The following AGBL1 variants were observed in gnomAD, a reference collection of about 807,000 sequenced individuals.
AGBL1 encodes the protein AGBL carboxypeptidase 1.
AGBL1 carries 130 observed loss-of-function variants against 118.9 expected under a neutral mutation model. The ratio of observed to expected loss-of-function variants is 1.09; its 90% CI spans 0.95 to 1.26. The LOEUF is 1.26. AGBL1 is among the 50% of genes most tolerant of loss of function. AGBL1 has a pLI of 0.00. For synonymous variants in AGBL1, 555 were observed against 478.9 expected (o/e 1.16, Z -2.08); for missense variants, 1,584 against 1,298.1 (o/e 1.22, Z -3.38).
intron 24 of AGBL1, among the ~76,000 whole-genome samples, chr15:87,024,632 C>G (rs1280957590): frequency 6.6e-6 from 1 of 152,024 alleles, no homozygotes; most frequent in African/African-American, 2.4e-5. Context: ...TTCCCTAAAT[C>G]ATTCTATGAA....
In AGBL1 at chr15:86,616,533, G is replaced by A. The variant is rs144825060; in HGVS notation, c.2995-57740G>A. On this transcript the variant is annotated intron_variant, in intron 21 of 22. Transcript: ENST00000614907. The stretch of plus-strand genomic sequence containing the variant: ...TGTCTTCAAAATGCCTGATCAATGG[G>A]TAAATATAGAACTAGACACCTCTTG... Among the ~76,000 whole-genome samples the A allele has an allele frequency of 9.9e-3, 1,505 of 152,118 alleles. 12 individuals are homozygous for A. Among genetic ancestry groups the A allele is most frequent in the Middle Eastern group, 0.017 (5 of 294 alleles).
intron 19 of AGBL1, among the ~76,000 whole-genome samples, chr15:86,542,505 T>C (rs2083517423): frequency 6.6e-6 from 1 of 151,932 alleles, no homozygotes; most frequent in Non-Finnish European, 1.5e-5. Context: ...TAGCTGGGAT[T>C]ACAGGCGCAT....
chr15:86,721,942 C>T (rs2086728443), intron 22 of AGBL1, among the ~76,000 whole-genome samples: 1 of 152,142 alleles, frequency 6.6e-6, no homozygotes, highest in Admixed American at 6.5e-5. Context: ...AGGAATCCAA[C>T]TTACAAGGGA....
rs543289466 is a variant in AGBL1 at position 86,927,706 on chromosome 15, A to C, written c.3222-60281A>C. Among the ~76,000 whole-genome samples the C allele has an allele frequency of 2.6e-5, 4 of 152,336 alleles. No individual in the cohort carries two copies. The East Asian group carries it at 7.7e-4, about 29-fold the overall frequency. On this transcript the variant is annotated intron_variant, in intron 23 of 24. Transcript: ENST00000441037. ...TCCAATATTGATAATCATGACCAGT[A>C]GTAGTTATTGAAAAAAAATTACCAT...
At chr15:86,868,673 C>T (rs7180826) in intron 22 of AGBL1, among the ~76,000 whole-genome samples, 108,588 of 152,132 alleles carry the variant, frequency 0.71, 38,863 homozygotes, top group South Asian at 0.76. Flanking sequence ...TCCACTCACC[C>T]TGGGAATTCA....
At chr15:86,697,911 G>A (rs2086289774) in intron 22 of AGBL1, among the ~76,000 whole-genome samples, 1 of 151,844 alleles carries the variant, frequency 6.6e-6, no homozygotes, top group Non-Finnish European at 1.5e-5. Flanking sequence ...TCTCAGCCAT[G>A]GATACCAGCA....
chr15:87,005,506 T>C (rs1053969074), intron 24 of AGBL1, among the ~76,000 whole-genome samples: 1 of 152,228 alleles, frequency 6.6e-6, no homozygotes, highest in African/African-American at 2.4e-5. Context: ...TGTGCATTCG[T>C]CACATAGTTC....
chr15:86,838,864 G>A (rs1031746453), intron 22 of AGBL1, among the ~76,000 whole-genome samples: 2 of 137,726 alleles, frequency 1.5e-5, no homozygotes, highest in Non-Finnish European at 1.5e-5. Context: ...GCATTGCTTG[G>A]ACCCTGGAGT....
At chr15:86,144,215 G>A (rs1464122348) in intron 3 of AGBL1, among the ~76,000 whole-genome samples, 1 of 152,202 alleles carries the variant, frequency 6.6e-6, no homozygotes, top group Non-Finnish European at 1.5e-5. Context: ...ATACACTGTT[G>A]GTGGGAGTAT....
chr15:86,660,790 C>T (rs1343230143), intron 21 of AGBL1, among the ~76,000 whole-genome samples: 1 of 152,052 alleles, frequency 6.6e-6, no homozygotes, highest in East Asian at 1.9e-4. Context: ...CAAATTCTAG[C>T]CATGCGTAAA....
chr15:86,656,787 A>T (rs2085467507), intron 21 of AGBL1, among the ~76,000 whole-genome samples: 1 of 151,892 alleles, frequency 6.6e-6, no homozygotes, highest in African/African-American at 2.4e-5. Flanking sequence ...GGTTAAATGT[A>T]CTCAGTGGCT....
intron 1 of AGBL1, among the ~76,000 whole-genome samples, chr15:86,105,979 C>G (rs544710210): frequency 1.4e-4 from 22 of 152,214 alleles, no homozygotes; most frequent in Non-Finnish European, 2.6e-4. Context: ...TTCTTCCAAT[C>G]ACATCTGAAA....
At chr15:86,192,937 C>T (rs1421384284) in intron 5 of AGBL1, among the ~76,000 whole-genome samples, 2 of 152,022 alleles carry the variant, frequency 1.3e-5, no homozygotes, top group Non-Finnish European at 2.9e-5. Flanking sequence ...CCATTTATTT[C>T]TATTGAAAGC....
At chr15:86,094,889 G>T (rs1896255838) in intron 1 of AGBL1, among the ~76,000 whole-genome samples, 1 of 152,106 alleles carries the variant, frequency 6.6e-6, no homozygotes, top group Admixed American at 6.5e-5. Context: ...GTTAGCATCA[G>T]ATCTCACAAG....
intron 22 of AGBL1, among the ~76,000 whole-genome samples, chr15:86,678,467 C>T (rs2085889596): frequency 6.6e-6 from 1 of 151,996 alleles, no homozygotes; most frequent in Non-Finnish European, 1.5e-5. Flanking sequence ...CGTCTTTGTG[C>T]ATTATTCTGT....
At chr15:86,929,957 C>T (rs375831920) in intron 23 of AGBL1, among the ~76,000 whole-genome samples, 135 of 152,242 alleles carry the variant, frequency 8.9e-4, no homozygotes, top group Middle Eastern at 3.4e-3. Context: ...TATAAATGCC[C>T]TTTGGCTGGC....
intron 23 of AGBL1, among the ~76,000 whole-genome samples, chr15:86,923,968 A>G (rs777543516): frequency 1.3e-5 from 2 of 152,204 alleles, no homozygotes; most frequent in Non-Finnish European, 2.9e-5. Flanking sequence ...TACTCTAGAT[A>G]ATACATCAAA....
At chr15:86,263,086 C>T (rs28733100) in intron 10 of AGBL1, among the ~76,000 whole-genome samples, 192 bp downstream of exon 10, 13 of 152,106 alleles carry the variant, frequency 8.5e-5, no homozygotes, top group African/African-American at 1.7e-4. Context: ...AAAAAAGTTA[C>T]GATGTATGCA....
At chr15:86,480,017 A>C (rs983155878) in intron 18 of AGBL1, among the ~76,000 whole-genome samples, 6 of 151,986 alleles carry the variant, frequency 3.9e-5, no homozygotes, top group Non-Finnish European at 7.4e-5. Flanking sequence ...GTTCTCACTC[A>C]TAGGTGGGAA....
Sources: gnomAD v4.1 joint callset for allele counts (sites outside exome capture counted in the v4.1 genomes callset) on GRCh38, gnomAD v4.1.1 for gene constraint, MANE v1.5 for transcripts, NCBI Gene and HGNC (gene_info 2026-07-23, HGNC 2026-07-21) for gene names.